GCC2: variants seen among roughly 807,000 people sequenced by gnomAD.
GCC2 encodes the protein GRIP and coiled-coil domain-containing protein 2.
Under a neutral mutation model 210.6 loss-of-function variants are expected in GCC2, and 120 were observed. That is an observed-to-expected ratio of 0.57 (90% confidence interval 0.49 to 0.66). The LOEUF (loss-of-function observed/expected upper bound fraction) is 0.66. Ranked by LOEUF, GCC2 falls within the 30% of genes least tolerant of loss-of-function variation. The probability of loss-of-function intolerance (pLI) is 0.00; values close to 1 mark genes in which losing one functional copy is unlikely to be tolerated. For missense variants in GCC2, 1,868 were observed against 1,871.9 expected (o/e 1.00, Z 0.04); for synonymous variants, 703 against 652.7 (o/e 1.08, Z -1.17).
In GCC2 at chr2:108,473,067, T is replaced by C. The variant is rs144066557; in HGVS notation, c.2860+168T>C. The C allele has an allele frequency of 4.6e-4, 225 of 489,798 alleles. 1 individual carries two copies. Among genetic ancestry groups the C allele is most frequent in the African/African-American group, 4.0e-3 (197 of 49,370 alleles). The allele number at this position is 489,798 out of a possible 1,614,324, so 30.3% of individuals were successfully genotyped here. On this transcript the variant is annotated intron_variant, in intron 7 of 22. Transcript: ENST00000309863. ...GCCCCTCTAACACCTGTTTGCCTTCTCTTTCAAAAGTGTTACTTTCTATTG... is the reference window on the plus strand; with the variant it reads ...GCCCCTCTAACACCTGTTTGCCTTCCCTTTCAAAAGTGTTACTTTCTATTG...
chr2:108,470,685 A>C lies in GCC2; in HGVS notation c.1356A>C (p.Lys452Asn). Residue 452 changes from lysine to asparagine, a missense_variant, in exon 6 of 23, where the codon AAA (lysine) becomes AAC (asparagine). By Grantham distance (94) the Lys-to-Asn change is moderately conservative. Around this residue, in one of 3 missense-constraint regions of GCC2, gnomAD observed 1,847 missense variants for 1,765.2 expected, o/e 1.05. Transcript: ENST00000309863. ...ETFLSDSEKE[K>N]LTLMFEIQGL... ...TTTTGTCAGATTCAGAAAAAGAAAAATTAACATTAATGTTTGAAATACAGG... is the reference window on the plus strand; with the variant it reads ...TTTTGTCAGATTCAGAAAAAGAAAACTTAACATTAATGTTTGAAATACAGG... 1 of 1,610,222 alleles carries C rather than the reference A, an allele frequency of 6.2e-7. No homozygotes were observed. The highest frequency in any genetic ancestry group is 8.5e-7 in the Non-Finnish European group (1 of 1,178,204).
At position 108,485,914 on chromosome 2, in the gene GCC2, G is replaced by A. The variant is rs758500083; in HGVS notation, c.3792+6G>A. ...AGCAAGTAGAAGTCTATAAAGTAAG[G>A]GTTTTACTTTTTAAGATTAAAAAAA... On this transcript the variant is annotated splice_donor_region_variant and intron_variant, in intron 15 of 22. Coordinates refer to ENST00000309863, the MANE Select transcript of GCC2 (RefSeq NM_181453.4). The A allele has an allele frequency of 6.8e-7, 1 of 1,478,276 alleles. No individual in the cohort carries two copies. Among genetic ancestry groups the A allele is most frequent in the Non-Finnish European group, 9.2e-7 (1 of 1,085,972 alleles). 91.6% of individuals were successfully genotyped at this position (1,478,276 alleles called of 1,614,324 possible).
rs749179357 is a variant in GCC2, at chr2:108,489,966, A to G, written c.4181A>G (p.Asn1394Ser). Residue 1394 changes from asparagine (N) to serine (S), a missense_variant, in exon 18 of 23, where the codon AAC becomes AGC. Physicochemically the swap from Asn to Ser is conservative, Grantham distance 46 (BLOSUM62 1). Coordinates refer to ENST00000309863, the MANE Select transcript of GCC2 (RefSeq NM_181453.4). ...CATGATACACTGCTAGAAAGGCACA[A>G]CAAGATGCTGCAGGAAACTGTGTCC... ...SEHDTLLERH[N>S]KMLQETVSKE... The G allele has an allele frequency of 6.2e-7, 1 of 1,611,304 alleles. No homozygotes were observed. Among genetic ancestry groups the G allele is most frequent in the South Asian group, 1.1e-5 (1 of 90,600 alleles).
intron 22 of GCC2, among the ~76,000 whole-genome samples, chr2:108,504,309 C>G (rs1277920236): frequency 6.6e-6 from 1 of 151,850 alleles, no homozygotes; most frequent in Non-Finnish European, 1.5e-5. Context: ...AATAGTTTTC[C>G]TTTCTGTGGG....
intron 9 of GCC2, among the ~76,000 whole-genome samples, chr2:108,479,980 C>CAAAAAAAA (rs200934785): frequency 5.4e-4 from 62 of 114,502 alleles, no homozygotes; most frequent in African/African-American, 9.9e-4. Flanking sequence ...GACTCCATCT[C>CAAAAAAAA]AAAAAAAAAA....
At chr2:108,491,223 A>T (rs1247928243) in intron 18 of GCC2, among the ~76,000 whole-genome samples, 1 of 152,226 alleles carries the variant, frequency 6.6e-6, no homozygotes, top group Non-Finnish European at 1.5e-5. Context: ...GTGAACTTCC[A>T]TCAGCACAAT....
At chr2:108,453,036 C>T (rs1680040956) in intron 4 of GCC2, among the ~76,000 whole-genome samples, 1 of 152,202 alleles carries the variant, frequency 6.6e-6, no homozygotes. Context: ...TGCTCTTCCC[C>T]AGCCCCCTGA....
chr2:108,454,013 C>T (rs1177490267), intron 4 of GCC2, among the ~76,000 whole-genome samples: 3 of 152,022 alleles, frequency 2.0e-5, no homozygotes, highest in East Asian at 1.9e-4. Flanking sequence ...TATTTTGAGA[C>T]AGAGTCTCGC....
intron 4 of GCC2, among the ~76,000 whole-genome samples, chr2:108,458,481 G>T (rs542291297): frequency 2.0e-5 from 3 of 149,118 alleles, no homozygotes; most frequent in South Asian, 2.1e-4. Context: ...CAGTATTTTG[G>T]AGTAGTTTCA....
chr2:108,472,723 G>A, intron 6 of GCC2, 104 bp from the exon 7 acceptor site: 1 of 697,070 alleles, frequency 1.4e-6, no homozygotes, highest in Admixed American at 3.0e-5. Flanking sequence ...CTCTTTGATA[G>A]TGATTTTCTT....
intron 3 of GCC2, 52 bp downstream of exon 3, chr2:108,451,164 A>G (rs548924238): frequency 8.9e-7 from 1 of 1,122,430 alleles, no homozygotes; most frequent in Admixed American, 1.9e-5. Flanking sequence ...ATCGTGGTTT[A>G]AAATGGTAGT....
At chr2:108,472,763 G>A in intron 6 of GCC2, 64 bp from the exon 7 acceptor site, 1 of 967,868 alleles carries the variant, frequency 1.0e-6, no homozygotes, top group South Asian at 1.4e-5. Flanking sequence ...GTTCATTATG[G>A]AAAATGAATT....
In GCC2 at chr2:108,469,709, A is replaced by G; in HGVS notation, c.380A>G (p.Tyr127Cys). The G allele has an allele frequency of 6.2e-7, 1 of 1,612,404 alleles. No homozygotes were observed. The highest frequency in any genetic ancestry group is 8.5e-7 in the Non-Finnish European group (1 of 1,178,800). ...GAGTTGGAACAATCACATATAAACTATGTGAAAGAAATTGAAAATTTGAAA... is the reference window on the plus strand; with the variant it reads ...GAGTTGGAACAATCACATATAAACTGTGTGAAAGAAATTGAAAATTTGAAA... ...HKELEQSHIN[Y>C]VKEIENLKNE... Residue 127 changes from tyrosine to cysteine, a missense_variant, in exon 6 of 23, where the codon TAT (tyrosine) becomes TGT (cysteine). This residue lies in a region of GCC2 where 1,847 missense variants were observed against 1,765.2 expected (regional missense o/e 1.05). Coordinates refer to ENST00000309863, the MANE Select transcript of GCC2 (RefSeq NM_181453.4).
chr2:108,470,431 G>C lies in GCC2; in HGVS notation c.1102G>C (p.Asp368His). 2 of 1,606,462 alleles carry C rather than the reference G, an allele frequency of 1.2e-6. No individual in the cohort carries two copies. Among genetic ancestry groups the C allele is most frequent in the Non-Finnish European group, 1.7e-6 (2 of 1,173,770 alleles). ...TAATCTTAAGTTAAAACTTGAAATG[G>C]ATGCTCAACATATAAAGGATGAGTT... Reference protein sequence around the residue: ...MNNLKLKLEMDAQHIKDEFFH... With the variant: ...MNNLKLKLEMHAQHIKDEFFH... The change falls in exon 6 of 23, where the codon GAT becomes CAT. Residue 368 changes from aspartate (D) to histidine (H), a missense_variant. This residue lies in a region of GCC2 where 1,847 missense variants were observed against 1,765.2 expected (regional missense o/e 1.05). Coordinates refer to ENST00000309863, the MANE Select transcript of GCC2 (RefSeq NM_181453.4).
At chr2:108,450,455 C>G (rs1679871695) in intron 2 of GCC2, among the ~76,000 whole-genome samples, 2 of 152,196 alleles carry the variant, frequency 1.3e-5, no homozygotes, top group South Asian at 2.1e-4. Context: ...ACAATTAAAT[C>G]AAAAGCTAGC....
chr2:108,498,094 C>A (rs1375316940), intron 21 of GCC2, among the ~76,000 whole-genome samples: 1 of 147,580 alleles, frequency 6.8e-6, no homozygotes, highest in Non-Finnish European at 1.5e-5. Context: ...TATAAAATAA[C>A]ATTTTCTGAC....
chr2:108,461,449 G>A (rs981198445), intron 4 of GCC2, among the ~76,000 whole-genome samples: 3 of 152,064 alleles, frequency 2.0e-5, no homozygotes, highest in Non-Finnish European at 2.9e-5. Flanking sequence ...TGCTAGACTT[G>A]GTGAGTTTTC....
chr2:108,450,008 G>T (rs996110147), intron 2 of GCC2: 7 of 276,526 alleles, frequency 2.5e-5, no homozygotes, highest in African/African-American at 1.3e-4. Flanking sequence ...GGAATCAAGG[G>T]ATTCTGATCT....
At position 108,497,019 on chromosome 2, in the gene GCC2, G is replaced by C. The variant is rs981817639; in HGVS notation, c.4692G>C (p.Lys1564Asn). The change falls in exon 21 of 23, where the codon AAG becomes AAC. Residue 1564 changes from lysine (K) to asparagine (N), a missense_variant. Physicochemically the swap from Lys to Asn is moderately conservative, Grantham distance 94 (BLOSUM62 0). Coordinates refer to ENST00000309863, the MANE Select transcript of GCC2 (RefSeq NM_181453.4). ...AEFTKEELVQ[K>N]LSSTTKSADH... ...TTACCAAAGAAGAATTGGTTCAGAA[G>C]CTCAGTTCCACCACAAAAAGTGCAG... The C allele has an allele frequency of 2.5e-6, 4 of 1,611,894 alleles. No individual in the cohort carries two copies.
Sources: allele counts gnomAD v4.1 joint callset (sites outside exome capture counted in the v4.1 genomes callset), GRCh38; gene constraint gnomAD v4.1.1; regional missense constraint gnomAD v4.1.1; transcripts MANE v1.5; gene names NCBI Gene and HGNC (gene_info 2026-07-23, HGNC 2026-07-21).